Variants in CAMK1D observed in about 807,000 individuals in gnomAD.
CAMK1D encodes the protein calcium/calmodulin dependent protein kinase ID.
In CAMK1D, 9 loss-of-function variants were observed where a neutral mutation model predicts 47.7. The observed-to-expected ratio is 0.19, with a 90% CI of 0.11 to 0.33. The LOEUF is 0.33. CAMK1D is among the 10% of genes least tolerant of loss of function. CAMK1D has a pLI of 1.00. For missense variants in CAMK1D, 291 were observed against 488.7 expected, an observed-to-expected ratio of 0.60 and a Z score of 3.81; for synonymous variants, 184 against 184.9, an observed-to-expected ratio of 0.99 and a Z score of 0.04.
intron 1 of CAMK1D, among the ~76,000 whole-genome samples, chr10:12,385,739 CTTTT>C (rs71384318): frequency 4.0e-5 from 4 of 100,542 alleles, no homozygotes; most frequent in Non-Finnish European, 5.7e-5. Flanking sequence ...TTGAATTGTA[CTTTT>C]TTTTTTTTTT....
intron 2 of CAMK1D, among the ~76,000 whole-genome samples, chr10:12,649,318 G>A (rs1055239800): frequency 6.6e-6 from 1 of 152,248 alleles, no homozygotes; most frequent in African/African-American, 2.4e-5. Flanking sequence ...AAAAGAGCCA[G>A]CAGATAGATG....
At chr10:12,736,926 C>T (rs1302738813) in intron 3 of CAMK1D, among the ~76,000 whole-genome samples, 1 of 152,212 alleles carries the variant, frequency 6.6e-6, no homozygotes, top group Non-Finnish European at 1.5e-5. Flanking sequence ...GTTGGTTCCT[C>T]TTCTGCTCCC....
chr10:12,418,022 G>T (rs190577838), intron 1 of CAMK1D, among the ~76,000 whole-genome samples: 1 of 152,094 alleles, frequency 6.6e-6, no homozygotes, highest in African/African-American at 2.4e-5. Flanking sequence ...GGCTGGTCTC[G>T]AACTCCTGAC....
At chr10:12,791,869 C>T (rs1837995290) in intron 6 of CAMK1D, among the ~76,000 whole-genome samples, 2 of 152,156 alleles carry the variant, frequency 1.3e-5, no homozygotes, top group Non-Finnish European at 2.9e-5. Flanking sequence ...GTAGTTCTAC[C>T]TTGAATTTCT....
intron 2 of CAMK1D, among the ~76,000 whole-genome samples, chr10:12,588,677 C>T (rs1056298810): frequency 1.3e-5 from 2 of 152,010 alleles, no homozygotes; most frequent in African/African-American, 4.8e-5. Flanking sequence ...CTGTTGTACC[C>T]GACATCCAAG....
rs112350234 is a variant in CAMK1D, at chr10:12,364,963, C to CTT, written c.92+15065_92+15066dup. Among the ~76,000 whole-genome samples the CTT allele has an allele frequency of 4.7e-4, 68 of 144,406 alleles. 1 individual carries two copies. Among genetic ancestry groups the CTT allele is most frequent in the Non-Finnish European group, 3.1e-5 (2 of 65,418 alleles). 94.7% of individuals were successfully genotyped at this position (144,406 alleles called of 152,430 possible). ...AATCTTGGTTTTATCCTCTCTGATT[C>CTT]TTTTTTTTTTTTTGAGGTGGAGTCT... On this transcript the variant is annotated intron_variant, in intron 1 of 10. Transcript: ENST00000619168.
At chr10:12,390,456 G>A (rs1025425662) in intron 1 of CAMK1D, among the ~76,000 whole-genome samples, 1 of 152,164 alleles carries the variant, frequency 6.6e-6, no homozygotes, top group African/African-American at 2.4e-5. Context: ...CTCTAGCTCT[G>A]TCTCTGTCTT....
chr10:12,651,589 A>G (rs1334629883), intron 2 of CAMK1D, among the ~76,000 whole-genome samples: 1 of 151,124 alleles, frequency 6.6e-6, no homozygotes, highest in Admixed American at 6.6e-5. Context: ...TTTTGGAGAG[A>G]CGGGATTTCA....
intron 1 of CAMK1D, among the ~76,000 whole-genome samples, chr10:12,552,000 G>A (rs1251149774): frequency 1.3e-5 from 2 of 152,226 alleles, no homozygotes; most frequent in African/African-American, 4.8e-5. Flanking sequence ...GAACGACTCA[G>A]TGGGCTGTGG....
intron 6 of CAMK1D, among the ~76,000 whole-genome samples, chr10:12,802,288 T>C (rs1235693388): frequency 6.6e-6 from 1 of 152,194 alleles, no homozygotes; most frequent in Non-Finnish European, 1.5e-5. Context: ...AGGGAACTCT[T>C]TTGCCTTTGT....
chr10:12,493,478 A>C (rs994095698), intron 1 of CAMK1D, among the ~76,000 whole-genome samples: 7 of 151,988 alleles, frequency 4.6e-5, no homozygotes, highest in African/African-American at 1.7e-4. Flanking sequence ...TCATGCCTGC[A>C]ATTTTCTTTT....
intron 2 of CAMK1D, among the ~76,000 whole-genome samples, chr10:12,567,375 T>G (rs1837157911): frequency 6.6e-6 from 1 of 152,076 alleles, no homozygotes; most frequent in South Asian, 2.1e-4. Flanking sequence ...AGAGCGAGTC[T>G]GGGGGACACT....
At chr10:12,495,831 AT>A (rs1834522339) in intron 1 of CAMK1D, among the ~76,000 whole-genome samples, 1 of 151,878 alleles carries the variant, frequency 6.6e-6, no homozygotes, top group African/African-American at 2.4e-5. Flanking sequence ...ATATGTATAT[AT>A]TTTTTTTCTT....
intron 3 of CAMK1D, among the ~76,000 whole-genome samples, chr10:12,718,150 G>A (rs928389169): frequency 3.3e-5 from 5 of 152,182 alleles, no homozygotes; most frequent in East Asian, 1.9e-4. Context: ...AAACCCGTGT[G>A]TCATTTCAGC....
intron 3 of CAMK1D, among the ~76,000 whole-genome samples, chr10:12,700,193 A>G (rs558563713): frequency 6.6e-6 from 1 of 152,298 alleles, no homozygotes; most frequent in South Asian, 2.1e-4. Flanking sequence ...GTCCATTCTC[A>G]TGCTGCTAAT....
chr10:12,699,497 G>C (rs11257941), intron 3 of CAMK1D, among the ~76,000 whole-genome samples: 76,323 of 151,850 alleles, frequency 0.5, 20,643 homozygotes, highest in South Asian at 0.7. Context: ...GCTGAGCTGA[G>C]CTCAGTGGTT....
chr10:12,557,411 G>A (rs944772230), intron 2 of CAMK1D, among the ~76,000 whole-genome samples: 1 of 151,970 alleles, frequency 6.6e-6, no homozygotes, highest in African/African-American at 2.4e-5. Flanking sequence ...AATTGGCCGG[G>A]TATGGTGGTG....
chr10:12,799,323 G>C (rs1439051797), intron 6 of CAMK1D, among the ~76,000 whole-genome samples: 1 of 152,196 alleles, frequency 6.6e-6, no homozygotes, highest in East Asian at 1.9e-4. Flanking sequence ...TCAGCCAATG[G>C]GGTGGAGGGA....
intron 2 of CAMK1D, among the ~76,000 whole-genome samples, chr10:12,584,797 G>A (rs927158096): frequency 2.6e-5 from 4 of 152,094 alleles, no homozygotes; most frequent in Non-Finnish European, 4.4e-5. Context: ...TCCAGCCTGG[G>A]TGACAGAGCA....
Sources: gnomAD v4.1 joint callset for allele counts (sites outside exome capture counted in the v4.1 genomes callset) on GRCh38, gnomAD v4.1.1 for gene constraint, MANE v1.5 for transcripts, NCBI Gene and HGNC (gene_info 2026-07-23, HGNC 2026-07-21) for gene names.